Variants in GPHN observed in about 807,000 individuals in gnomAD.
The protein encoded by GPHN is gephyrin.
A neutral mutation model predicts 95.5 loss-of-function variants in GPHN; 17 were observed. The observed-to-expected ratio is 0.18, with a 90% CI of 0.12 to 0.27. The LOEUF (loss-of-function observed/expected upper bound fraction) is 0.27, where lower values mean the gene tolerates loss of function less well. GPHN is among the 10% of genes least tolerant of loss of function. GPHN has a pLI of 1.00. For synonymous variants in GPHN, 320 were observed against 322.5 expected (o/e 0.99, Z 0.08); for missense variants, 660 against 978.1 (o/e 0.67, Z 4.34).
At chr14:66,790,364 A>G (rs2059929564) in intron 3 of GPHN, among the ~76,000 whole-genome samples, 2 of 152,222 alleles carry the variant, frequency 1.3e-5, no homozygotes. Flanking sequence ...TTGAACCTGA[A>G]TCCAGGGCCA....
the GPHN span, among the ~76,000 whole-genome samples, chr14:67,632,808 A>ATTTTTTTTTTTT: frequency 3.2e-5 from 2 of 62,360 alleles, no homozygotes; most frequent in African/African-American, 6.7e-5. Flanking sequence ...AAGCCTCTTA[A>ATTTTTTTTTTTT]TTTTTTTTTT....
chr14:66,896,312 G>A (rs2064846216), intron 5 of GPHN, among the ~76,000 whole-genome samples: 1 of 152,130 alleles, frequency 6.6e-6, no homozygotes, highest in Admixed American at 6.6e-5. Flanking sequence ...TTGAGATACT[G>A]TGATTATAGT....
downstream of GPHN, among the ~76,000 whole-genome samples, chr14:67,184,476 G>A (rs375493492): frequency 2.0e-5 from 3 of 152,156 alleles, no homozygotes; most frequent in African/African-American, 4.8e-5. Context: ...GGGAACGTCC[G>A]AACAGATGGA....
At chr14:67,407,487 C>T in the GPHN span, among the ~76,000 whole-genome samples, 1 of 151,818 alleles carries the variant, frequency 6.6e-6, no homozygotes, top group Non-Finnish European at 1.5e-5. Flanking sequence ...GTTGCCGAGG[C>T]TGGAGTGCAG....
At chr14:67,149,963 C>A (rs190642161) in intron 18 of GPHN, among the ~76,000 whole-genome samples, 1 of 151,994 alleles carries the variant, frequency 6.6e-6, no homozygotes, top group African/African-American at 2.4e-5. Context: ...TAACTATATT[C>A]TTTTTAAAAA....
the GPHN span, among the ~76,000 whole-genome samples, chr14:67,411,136 C>CA: frequency 0.15 from 7,765 of 50,948 alleles, 617 homozygotes; most frequent in East Asian, 0.46. Flanking sequence ...GACCCTGTCT[C>CA]AAAAAAAAAA....
the GPHN span, among the ~76,000 whole-genome samples, chr14:67,630,205 G>A: frequency 1.4e-4 from 22 of 152,348 alleles, no homozygotes; most frequent in African/African-American, 5.3e-4. Context: ...TGCGGTTTTT[G>A]CTGTTGAAAT....
intron 3 of GPHN, among the ~76,000 whole-genome samples, chr14:66,796,372 G>T (rs981610272): frequency 1.3e-5 from 2 of 151,648 alleles, no homozygotes; most frequent in East Asian, 3.9e-4. Flanking sequence ...AACTAATGCT[G>T]CAGTAGGATT....
chr14:67,585,882 G>A, the GPHN span: 2 of 1,497,690 alleles, frequency 1.3e-6, no homozygotes, highest in East Asian at 2.3e-5. Flanking sequence ...GAAGAGACAG[G>A]GGATGCTGGT....
chr14:66,952,028 G>A (rs942185713), intron 8 of GPHN, among the ~76,000 whole-genome samples: 1 of 152,106 alleles, frequency 6.6e-6, no homozygotes, highest in African/African-American at 2.4e-5. Flanking sequence ...TTGAATTGAA[G>A]TAAAATTCAC....
chr14:67,356,524 G>C, the GPHN span, among the ~76,000 whole-genome samples: 1 of 151,578 alleles, frequency 6.6e-6, no homozygotes, highest in Non-Finnish European at 1.5e-5. Flanking sequence ...AGATCACTAA[G>C]ACAATTCTAT....
chr14:67,179,340 C>G (rs2083198731), intron 21 of GPHN, among the ~76,000 whole-genome samples: 1 of 152,166 alleles, frequency 6.6e-6, no homozygotes, highest in African/African-American at 2.4e-5. Flanking sequence ...GAGCTATGAT[C>G]ATGCCACTGC....
chr14:67,532,224 G>A, the GPHN span, among the ~76,000 whole-genome samples: 2 of 152,176 alleles, frequency 1.3e-5, no homozygotes, highest in Non-Finnish European at 2.9e-5. Flanking sequence ...TAGAGATTCA[G>A]ATTCAAACCC....
At chr14:67,307,108 A>G in the GPHN span, among the ~76,000 whole-genome samples, 1 of 152,236 alleles carries the variant, frequency 6.6e-6, no homozygotes, top group Non-Finnish European at 1.5e-5. Flanking sequence ...TATCACACAT[A>G]GCAATCAGTG....
chr14:66,526,656 A>C (rs2058704754), intron 1 of GPHN, among the ~76,000 whole-genome samples: 1 of 152,154 alleles, frequency 6.6e-6, no homozygotes, highest in African/African-American at 2.4e-5. Context: ...ACATTCCATC[A>C]ATACCTAGTT....
the GPHN span, among the ~76,000 whole-genome samples, chr14:67,269,103 C>A: frequency 1.3e-5 from 2 of 152,264 alleles, no homozygotes; most frequent in East Asian, 3.9e-4. Context: ...CTGGATATTT[C>A]ATAAATAGAA....
At chr14:67,259,137 C>G in the GPHN span, among the ~76,000 whole-genome samples, 2 of 151,774 alleles carry the variant, frequency 1.3e-5, no homozygotes, top group Admixed American at 6.6e-5. Flanking sequence ...GCCACTGCAC[C>G]AGGCCGATTT....
the GPHN span, among the ~76,000 whole-genome samples, chr14:67,190,663 A>C: frequency 6.6e-6 from 1 of 152,214 alleles, no homozygotes; most frequent in Non-Finnish European, 1.5e-5. Context: ...TTCAGAACAC[A>C]AGGCTTTCTC....
chr14:67,461,303 C>A, the GPHN span, among the ~76,000 whole-genome samples: 1 of 152,188 alleles, frequency 6.6e-6, no homozygotes, highest in Non-Finnish European at 1.5e-5. Context: ...GAGTCTCAGA[C>A]AGGTTACATA....
Sources: allele counts gnomAD v4.1 joint callset (sites outside exome capture counted in the v4.1 genomes callset), GRCh38; gene constraint gnomAD v4.1.1; transcripts MANE v1.5; gene names NCBI Gene and HGNC (gene_info 2026-07-23, HGNC 2026-07-21).